The following MGAT4C variants were observed in gnomAD, a reference collection of about 807,000 sequenced individuals.
MGAT4C encodes MGAT4 family member C, also known as alpha-1,3-mannosyl-glycoprotein 4-beta-N-acetylglucosaminyltransferase C.
A neutral mutation model predicts 40.1 loss-of-function variants in MGAT4C; 19 were observed. The observed-to-expected ratio is 0.47, with a 90% CI of 0.33 to 0.70. The LOEUF (loss-of-function observed/expected upper bound fraction) is 0.70. Among genes scored for constraint, MGAT4C ranks in the 30% least tolerant of loss-of-function variants. The pLI, the probability that MGAT4C is intolerant of heterozygous loss-of-function variation, is 0.02. For synonymous variants in MGAT4C, 181 were observed against 187.1 expected, an observed-to-expected ratio of 0.97 and a Z score of 0.27; for missense variants, 491 against 563.2, an observed-to-expected ratio of 0.87 and a Z score of 1.30.
intron 2 of MGAT4C, among the ~76,000 whole-genome samples, chr12:86,007,322 T>C (rs1887987697): frequency 6.6e-6 from 1 of 152,112 alleles, no homozygotes; most frequent in Non-Finnish European, 1.5e-5. Context: ...CCATCATTCT[T>C]CCATTTTCTA....
intron 3 of MGAT4C, among the ~76,000 whole-genome samples, chr12:86,335,051 T>C (rs1185977683): frequency 6.6e-6 from 1 of 152,132 alleles, no homozygotes; most frequent in East Asian, 1.9e-4. Context: ...AAATGCATAG[T>C]CATAATAGTT....
chr12:86,596,581 T>C (rs1243279481), intron 2 of MGAT4C, among the ~76,000 whole-genome samples: 1 of 152,192 alleles, frequency 6.6e-6, no homozygotes, highest in African/African-American at 2.4e-5. Flanking sequence ...GGCTCTTATA[T>C]TGCTCAAAAG....
intron 2 of MGAT4C, among the ~76,000 whole-genome samples, chr12:86,518,090 A>T (rs1958728587): frequency 1.3e-5 from 2 of 152,212 alleles, no homozygotes; most frequent in African/African-American, 4.8e-5. Context: ...CAAGATGAGA[A>T]GTGAATCCTA....
chr12:86,424,638 A>G (rs1431867855), intron 3 of MGAT4C, among the ~76,000 whole-genome samples: 1 of 152,188 alleles, frequency 6.6e-6, no homozygotes, highest in Non-Finnish European at 1.5e-5. Flanking sequence ...CATGAATAGC[A>G]TCTGCATTAT....
chr12:85,989,612 C>T (rs573152229), intron 2 of MGAT4C, 60 bp from the exon 3 acceptor site: 35 of 1,441,664 alleles, frequency 2.4e-5, no homozygotes, highest in African/African-American at 1.0e-4. Flanking sequence ...ATTTCTTTAT[C>T]GCATATATAA....
intron 1 of MGAT4C, among the ~76,000 whole-genome samples, chr12:86,064,629 C>A (rs887314603): frequency 6.6e-6 from 1 of 152,080 alleles, no homozygotes. Flanking sequence ...CTAAAATTGA[C>A]ACCCTAACAT....
intron 2 of MGAT4C, among the ~76,000 whole-genome samples, chr12:86,627,444 C>T (rs1487070781): frequency 6.6e-6 from 1 of 152,020 alleles, no homozygotes; most frequent in Non-Finnish European, 1.5e-5. Context: ...CCCGTGTAGC[C>T]TAACTTGGAG....
chr12:86,292,938 T>C (rs1953562597), intron 4 of MGAT4C, among the ~76,000 whole-genome samples: 1 of 151,994 alleles, frequency 6.6e-6, no homozygotes, highest in Non-Finnish European at 1.5e-5. Flanking sequence ...AAAAAATTAA[T>C]GAAAACTAGT....
chr12:86,346,741 T>C (rs1032161787), intron 3 of MGAT4C, among the ~76,000 whole-genome samples: 6 of 152,144 alleles, frequency 3.9e-5, no homozygotes, highest in African/African-American at 7.2e-5. Context: ...CCTAGGTGTG[T>C]CTGTGAGGGT....
In MGAT4C at chr12:85,964,603, A is replaced by G. The variant is rs1883263003; in HGVS notation, c.*14686T>C. Reference sequence around the variant, plus strand: ...AAAGATAACATTATTTAAGGAAGGTAAGATACTCTTATCCTACATATACGC... The same window carrying G: ...AAAGATAACATTATTTAAGGAAGGTGAGATACTCTTATCCTACATATACGC... On this transcript the variant is annotated 3_prime_UTR_variant, in exon 5 of 5. Coordinates refer to ENST00000611864, the MANE Select transcript of MGAT4C (RefSeq NM_001351288.2). 1 of 152,188 alleles carries G rather than the reference A, an allele frequency of 6.6e-6. No individual in the cohort carries two copies. The highest frequency in any genetic ancestry group is 2.1e-4 in the South Asian group (1 of 4,834). The allele number at this position is 152,188 out of a possible 1,614,324, so 9.4% of individuals were successfully genotyped here. A position where few individuals can be genotyped will look rare whatever the true frequency, so the allele number is the denominator to read the frequency against.
chr12:86,103,549 G>C (rs1875520132), intron 1 of MGAT4C, among the ~76,000 whole-genome samples: 1 of 152,290 alleles, frequency 6.6e-6, no homozygotes, highest in African/African-American at 2.4e-5. Flanking sequence ...CTGATGTCTT[G>C]ATTTTGGACT....
chr12:85,997,282 G>T (rs553621597), intron 2 of MGAT4C, among the ~76,000 whole-genome samples: 1 of 152,220 alleles, frequency 6.6e-6, no homozygotes, highest in East Asian at 1.9e-4. Context: ...CTTCCCCTTG[G>T]TCCCTCCCTT....
At chr12:86,809,258 C>A (rs1252879801) in intron 1 of MGAT4C, among the ~76,000 whole-genome samples, 3 of 152,024 alleles carry the variant, frequency 2.0e-5, no homozygotes, top group Non-Finnish European at 4.4e-5. Flanking sequence ...CTTTTCCATT[C>A]AGAGTAGTAT....
chr12:86,110,551 T>C (rs2135640013), intron 1 of MGAT4C, among the ~76,000 whole-genome samples: 1 of 151,128 alleles, frequency 6.6e-6, no homozygotes, highest in Non-Finnish European at 1.5e-5. Flanking sequence ...TTCTTTAATG[T>C]CATTTTTAGG....
intron 3 of MGAT4C, among the ~76,000 whole-genome samples, chr12:86,405,576 A>T (rs969541811): frequency 6.6e-6 from 1 of 151,966 alleles, no homozygotes; most frequent in Admixed American, 6.6e-5. Flanking sequence ...TACAGTTGTA[A>T]AGCAATTCTT....
At chr12:86,338,887 T>C (rs1954843735) in intron 3 of MGAT4C, among the ~76,000 whole-genome samples, 4 of 124,202 alleles carry the variant, frequency 3.2e-5, no homozygotes, top group African/African-American at 1.2e-4. Flanking sequence ...TGAACCCAGG[T>C]GGCAGAAGTT....
intron 1 of MGAT4C, among the ~76,000 whole-genome samples, chr12:86,159,906 G>A (rs1447520661): frequency 6.6e-6 from 1 of 151,862 alleles, no homozygotes; most frequent in Non-Finnish European, 1.5e-5. Flanking sequence ...TTTCTGATCG[G>A]GCTTTACTTG....
rs975420451 is a variant in MGAT4C at position 86,487,894 on chromosome 12, A to G, written c.-228-52629T>C. On this transcript the variant is annotated intron_variant, in intron 2 of 7. Transcript: ENST00000548651. ...AAATAAACCTTACTTTCTTAACATC[A>G]TAAGTTTATATCAAAATAAAAACAA... Among the ~76,000 whole-genome samples, 8 of 152,218 alleles carry G rather than the reference A, an allele frequency of 5.3e-5. No individual in the cohort carries two copies. The East Asian group carries it at 1.5e-3, about 29-fold the overall frequency.
At chr12:86,723,531 A>G (rs1950770644) in intron 2 of MGAT4C, among the ~76,000 whole-genome samples, 1 of 152,110 alleles carries the variant, frequency 6.6e-6, no homozygotes, top group Non-Finnish European at 1.5e-5. Context: ...GTTTCTTCAC[A>G]TTGTTTTCCC....
Sources: gnomAD v4.1 joint callset for allele counts (sites outside exome capture counted in the v4.1 genomes callset) on GRCh38, gnomAD v4.1.1 for gene constraint, MANE v1.5 for transcripts, NCBI Gene and HGNC (gene_info 2026-07-23, HGNC 2026-07-21) for gene names.